Variants in VMP1 observed in about 807,000 individuals in gnomAD.
The protein encoded by VMP1 is vacuole membrane protein 1.
In VMP1, 11 loss-of-function variants were observed where a neutral mutation model predicts 56.0. That is an observed-to-expected ratio of 0.20 (90% CI 0.12 to 0.32). VMP1 has a LOEUF of 0.32. Ranked by LOEUF, VMP1 falls within the 10% of genes least tolerant of loss-of-function variation. The probability of loss-of-function intolerance (pLI) is 1.00; values close to 1 mark genes in which losing one functional copy is unlikely to be tolerated. For missense variants in VMP1, 296 were observed against 490.3 expected, an observed-to-expected ratio of 0.60 and a Z score of 3.74; for synonymous variants, 149 against 165.0, an observed-to-expected ratio of 0.90 and a Z score of 0.74.
intron 6 of VMP1, among the ~76,000 whole-genome samples, chr17:59,766,674 T>C (rs2036242255): frequency 6.6e-6 from 1 of 152,186 alleles, no homozygotes; most frequent in Admixed American, 6.5e-5. Flanking sequence ...TTGTTCCAGT[T>C]ATTCTTTTTG....
chr17:59,831,344 T>A (rs948401233), intron 10 of VMP1, among the ~76,000 whole-genome samples: 2 of 152,008 alleles, frequency 1.3e-5, no homozygotes, highest in African/African-American at 4.8e-5. Context: ...GCTACTTTTT[T>A]AAACTTTTGT....
At chr17:59,758,667 C>CA (rs999921464) in intron 5 of VMP1, among the ~76,000 whole-genome samples, 57 of 146,454 alleles carry the variant, frequency 3.9e-4, no homozygotes, top group East Asian at 3.2e-3. Context: ...CTAAAAATAA[C>CA]AAAAAAAAAA....
intron 7 of VMP1, among the ~76,000 whole-genome samples, chr17:59,789,792 CTT>C (rs1035530402): frequency 5.6e-5 from 8 of 143,852 alleles, no homozygotes; most frequent in African/African-American, 2.0e-4. Context: ...AGTTCTTTCT[CTT>C]TCTTTTCTTT....
chr17:59,734,232 A>C (rs1054358080), intron 2 of VMP1, among the ~76,000 whole-genome samples: 1 of 151,718 alleles, frequency 6.6e-6, no homozygotes, highest in Middle Eastern at 3.4e-3. Context: ...AAGAAATGGC[A>C]ACTATAATAT....
chr17:59,712,374 T>A (rs2033966549), intron 1 of VMP1, among the ~76,000 whole-genome samples: 1 of 152,216 alleles, frequency 6.6e-6, no homozygotes, highest in Non-Finnish European at 1.5e-5. Context: ...TCTGTTAACT[T>A]TTTGGTATTA....
chr17:59,798,841 G>A (rs1030727357), intron 7 of VMP1, among the ~76,000 whole-genome samples: 7 of 152,162 alleles, frequency 4.6e-5, no homozygotes, highest in African/African-American at 1.7e-4. Context: ...AGCCGAGATT[G>A]TGCCATTACA....
chr17:59,767,303 A>G (rs2036267948), intron 6 of VMP1, among the ~76,000 whole-genome samples: 1 of 152,162 alleles, frequency 6.6e-6, no homozygotes, highest in African/African-American at 2.4e-5. Context: ...AGTGTTAGCA[A>G]TTGTGTTCTG....
At chr17:59,817,362 A>ATTTTG (rs1227807017) in intron 9 of VMP1, among the ~76,000 whole-genome samples, 1 of 143,446 alleles carries the variant, frequency 7.0e-6, no homozygotes, top group Non-Finnish European at 1.5e-5. Flanking sequence ...ATTTTATTTT[A>ATTTTG]TTTTTGATAT....
chr17:59,817,326 T>C (rs1160859477), intron 9 of VMP1, among the ~76,000 whole-genome samples: 2 of 146,212 alleles, frequency 1.4e-5, no homozygotes, highest in Non-Finnish European at 3.0e-5. Flanking sequence ...TTGATAACAT[T>C]TGAATTAAAT....
At chr17:59,732,983 C>T (rs1302783975) in intron 2 of VMP1, among the ~76,000 whole-genome samples, 1 of 152,146 alleles carries the variant, frequency 6.6e-6, no homozygotes, top group Non-Finnish European at 1.5e-5. Context: ...GCCAGGACAA[C>T]ACAGGGAAAC....
chr17:59,724,965 C>CAAAAAAAAAAACAAAAA (rs2034543921), intron 1 of VMP1, among the ~76,000 whole-genome samples: 1 of 132,840 alleles, frequency 7.5e-6, no homozygotes, highest in Non-Finnish European at 1.6e-5. Context: ...GACTCTGTCT[C>CAAAAAAAAAAACAAAAA]AAAAAAAAAA....
chr17:59,812,960 T>C (rs1212950141), intron 9 of VMP1, among the ~76,000 whole-genome samples: 3 of 152,140 alleles, frequency 2.0e-5, no homozygotes, highest in African/African-American at 7.2e-5. Flanking sequence ...AGTGAAGTTC[T>C]CTGCCCTTGT....
intron 7 of VMP1, among the ~76,000 whole-genome samples, chr17:59,777,779 A>G (rs2036674498): frequency 2.0e-5 from 3 of 152,120 alleles, no homozygotes; most frequent in Admixed American, 1.3e-4. Context: ...ATGCCACTGC[A>G]CTCCAGCCTG....
chr17:59,713,487 A>G (rs2034015510), intron 1 of VMP1, among the ~76,000 whole-genome samples: 1 of 151,994 alleles, frequency 6.6e-6, no homozygotes, highest in South Asian at 2.1e-4. Flanking sequence ...ACGGGATAGT[A>G]TTTTCAACCA....
intron 10 of VMP1, among the ~76,000 whole-genome samples, chr17:59,820,971 TTTG>T (rs1419660821): frequency 6.6e-6 from 1 of 151,392 alleles, no homozygotes; most frequent in African/African-American, 2.4e-5. Context: ...CTTTCTTTTT[TTTG>T]TTTTTTTTTT....
At chr17:59,819,079 G>A (rs752573872) in intron 10 of VMP1, among the ~76,000 whole-genome samples, 28 of 151,884 alleles carry the variant, frequency 1.8e-4, no homozygotes, top group Non-Finnish European at 3.4e-4. Context: ...GCTTTAATAA[G>A]GAAAAAATAT....
At chr17:59,799,268 G>T (rs565890370) in intron 7 of VMP1, among the ~76,000 whole-genome samples, 2 of 152,172 alleles carry the variant, frequency 1.3e-5, no homozygotes, top group South Asian at 4.1e-4. Flanking sequence ...TTGCTTTTAT[G>T]AAATGTGTTC....
At chr17:59,744,490 A>G (rs34355766) in intron 5 of VMP1, among the ~76,000 whole-genome samples, 1 of 149,014 alleles carries the variant, frequency 6.7e-6, no homozygotes, top group African/African-American at 2.5e-5. Context: ...AAAAGTCAAT[A>G]TTTAAAAAAG....
chr17:59,714,843 G>A (rs1272301290), intron 1 of VMP1, among the ~76,000 whole-genome samples: 1 of 152,090 alleles, frequency 6.6e-6, no homozygotes, highest in East Asian at 1.9e-4. Flanking sequence ...CCACACAGGA[G>A]TAATTTTTTA....
Sources: gnomAD v4.1 joint callset for allele counts (sites outside exome capture counted in the v4.1 genomes callset) on GRCh38, gnomAD v4.1.1 for gene constraint, MANE v1.5 for transcripts, NCBI Gene and HGNC (gene_info 2026-07-23, HGNC 2026-07-21) for gene names.